The following GRIK2 variants were observed in gnomAD, a reference collection of about 807,000 sequenced individuals.
GRIK2 encodes glutamate ionotropic receptor kainate type subunit 2.
In GRIK2, 32 loss-of-function variants were observed where a neutral mutation model predicts 100.3. The ratio of observed to expected loss-of-function variants is 0.32; its 90% CI spans 0.24 to 0.43. The LOEUF (loss-of-function observed/expected upper bound fraction) is 0.43. GRIK2 is among the 20% of genes least tolerant of loss of function. The probability of loss-of-function intolerance (pLI) is 1.00; values close to 1 mark genes in which losing one functional copy is unlikely to be tolerated. For missense variants in GRIK2, 843 were observed against 1,114.9 expected (o/e 0.76, Z 3.47); for synonymous variants, 417 against 389.4 (o/e 1.07, Z -0.83).
chr6:101,676,447 G>T (rs940925741), intron 4 of GRIK2, among the ~76,000 whole-genome samples, 176 bp from the exon 5 acceptor site: 3 of 151,988 alleles, frequency 2.0e-5, no homozygotes, highest in Non-Finnish European at 4.4e-5. Flanking sequence ...AAAATTATGC[G>T]TTCTTGGCCG....
chr6:102,041,491 CCAAATGCTTTGCA>C (rs1770570791), intron 15 of GRIK2, among the ~76,000 whole-genome samples: 1 of 151,484 alleles, frequency 6.6e-6, no homozygotes, highest in Middle Eastern at 3.4e-3. Flanking sequence ...AATACCAAAC[CCAAATGCTTTGCA>C]TTTGCTGACC....
chr6:101,643,861 A>G (rs1382859536), intron 4 of GRIK2, among the ~76,000 whole-genome samples: 1 of 151,766 alleles, frequency 6.6e-6, no homozygotes, highest in African/African-American at 2.4e-5. Flanking sequence ...TTATACTAAA[A>G]TATACTTTAT....
intron 7 of GRIK2, among the ~76,000 whole-genome samples, chr6:101,714,134 G>A (rs1459792854): frequency 6.6e-6 from 1 of 151,650 alleles, no homozygotes; most frequent in East Asian, 1.9e-4. Context: ...ACAGAATAGA[G>A]GTAGGCTACC....
chr6:101,580,386 T>C (rs1316757066), intron 2 of GRIK2, among the ~76,000 whole-genome samples: 1 of 152,122 alleles, frequency 6.6e-6, no homozygotes, highest in Non-Finnish European at 1.5e-5. Flanking sequence ...CTATACCCCA[T>C]GTGTGATCTG....
At chr6:101,414,874 A>C (rs1014819288) in intron 2 of GRIK2, among the ~76,000 whole-genome samples, 11 of 152,070 alleles carry the variant, frequency 7.2e-5, no homozygotes, top group African/African-American at 2.7e-4. Flanking sequence ...TTGAAAGACC[A>C]CTGGTAGTCT....
intron 2 of GRIK2, among the ~76,000 whole-genome samples, chr6:101,446,483 T>C (rs1230561167): frequency 6.6e-6 from 1 of 151,978 alleles, no homozygotes; most frequent in East Asian, 1.9e-4. Flanking sequence ...TCCTCTTCAG[T>C]GATAGTTTTT....
intron 2 of GRIK2, among the ~76,000 whole-genome samples, chr6:101,536,576 A>G (rs999893888): frequency 2.6e-5 from 4 of 151,730 alleles, no homozygotes; most frequent in African/African-American, 9.7e-5. Flanking sequence ...TTTAAGACTT[A>G]TAGTAAAAAT....
chr6:101,888,801 T>C (rs1198795709), intron 11 of GRIK2, among the ~76,000 whole-genome samples: 5 of 152,196 alleles, frequency 3.3e-5, no homozygotes, highest in African/African-American at 7.2e-5. Flanking sequence ...TTACATTTAT[T>C]AATAATAAAA....
intron 14 of GRIK2, among the ~76,000 whole-genome samples, chr6:101,968,617 C>T (rs933077037): frequency 6.6e-6 from 1 of 151,942 alleles, no homozygotes; most frequent in African/African-American, 2.4e-5. Flanking sequence ...TTTGTTTCTT[C>T]ACATTGATTT....
chr6:102,051,241 T>TTCCC lies in GRIK2; in HGVS notation c.2312-4079_2312-4076dup, dbSNP rs1173708254. Among the ~76,000 whole-genome samples, 437 of 131,474 alleles carry TTCCC rather than the reference T, an allele frequency of 3.3e-3. 8 individuals are homozygous for TTCCC. The highest frequency in any genetic ancestry group is 0.011 in the Admixed American group (144 of 13,276). 86.3% of individuals were successfully genotyped at this position (131,474 alleles called of 152,430 possible). ...AACTGTATGTACTATGACTGCCTGCTTCCCTCCCTCCCTTCCTTCCTTCCT... is the reference window on the plus strand; with the variant it reads ...AACTGTATGTACTATGACTGCCTGCTTCCCTCCCTCCCTCCCTTCCTTCCTTCCT... On this transcript the variant is annotated intron_variant, in intron 15 of 16. Transcript: ENST00000369134.
At chr6:101,958,066 T>C (rs1792052060) in intron 14 of GRIK2, among the ~76,000 whole-genome samples, 1 of 151,986 alleles carries the variant, frequency 6.6e-6, no homozygotes, top group South Asian at 2.1e-4. Context: ...TGAAAAATTA[T>C]ATAAATTGCA....
At chr6:101,589,588 A>G (rs1778545277) in intron 2 of GRIK2, among the ~76,000 whole-genome samples, 1 of 152,286 alleles carries the variant, frequency 6.6e-6, no homozygotes, top group South Asian at 2.1e-4. Flanking sequence ...TTCACTTAAC[A>G]TAATGTCCTC....
chr6:101,950,001 G>GAAATGAGA (rs1408677067), intron 14 of GRIK2, among the ~76,000 whole-genome samples: 1 of 152,104 alleles, frequency 6.6e-6, no homozygotes, highest in Admixed American at 6.5e-5. Context: ...GAACAGAACA[G>GAAATGAGA]AAATGAGAAA....
At chr6:101,794,059 C>T (rs962214953) in intron 7 of GRIK2, among the ~76,000 whole-genome samples, 3 of 152,176 alleles carry the variant, frequency 2.0e-5, no homozygotes, top group South Asian at 2.1e-4. Flanking sequence ...CTAAGCCCGT[C>T]AGAAAAGCGC....
intron 2 of GRIK2, among the ~76,000 whole-genome samples, chr6:101,472,822 G>A (rs1252282722): frequency 1.3e-5 from 2 of 151,694 alleles, no homozygotes; most frequent in Admixed American, 6.6e-5. Context: ...TTCAGAATAA[G>A]AAATGGTATA....
intron 2 of GRIK2, among the ~76,000 whole-genome samples, chr6:101,503,236 G>A (rs1009859713): frequency 6.6e-6 from 1 of 152,096 alleles, no homozygotes; most frequent in Admixed American, 6.6e-5. Context: ...AATACTTACT[G>A]ATCTTGCTGA....
At chr6:101,757,211 A>T (rs1191412929) in intron 7 of GRIK2, among the ~76,000 whole-genome samples, 2 of 152,162 alleles carry the variant, frequency 1.3e-5, no homozygotes, top group Non-Finnish European at 2.9e-5. Flanking sequence ...TATCTATCAA[A>T]AGAAAAATAT....
chr6:101,458,590 A>C (rs551422837), intron 2 of GRIK2, among the ~76,000 whole-genome samples: 8 of 152,182 alleles, frequency 5.3e-5, no homozygotes, highest in Non-Finnish European at 1.2e-4. Flanking sequence ...CTGCAGATAC[A>C]AAACTCCATC....
intron 2 of GRIK2, among the ~76,000 whole-genome samples, chr6:101,498,451 C>T (rs1773567369): frequency 6.6e-6 from 1 of 151,766 alleles, no homozygotes; most frequent in African/African-American, 2.4e-5. Flanking sequence ...ACACTGACTT[C>T]CACAATGGTT....
Sources: gnomAD v4.1 joint callset for allele counts (sites outside exome capture counted in the v4.1 genomes callset) on GRCh38, gnomAD v4.1.1 for gene constraint, MANE v1.5 for transcripts, NCBI Gene and HGNC (gene_info 2026-07-23, HGNC 2026-07-21) for gene names.